The following NRXN3 variants were observed in gnomAD, a reference collection of about 807,000 sequenced individuals.
NRXN3 encodes neurexin III.
Under a neutral mutation model 137.6 loss-of-function variants are expected in NRXN3, and 32 were observed. That is an observed-to-expected ratio of 0.23 (90% CI 0.18 to 0.31). The LOEUF (loss-of-function observed/expected upper bound fraction) is 0.31. Among genes scored for constraint, NRXN3 ranks in the 10% least tolerant of loss-of-function variants. NRXN3 has a pLI of 1.00. For synonymous variants in NRXN3, 798 were observed against 784.5 expected, an observed-to-expected ratio of 1.02 and a Z score of -0.29; for missense variants, 1,574 against 2,062.5, an observed-to-expected ratio of 0.76 and a Z score of 4.59.
intron 15 of NRXN3, among the ~76,000 whole-genome samples, chr14:79,382,920 A>G (rs568267726): frequency 1.8e-4 from 28 of 152,166 alleles, no homozygotes; most frequent in African/African-American, 4.8e-4. Flanking sequence ...TTTGAACTAC[A>G]AAAACCGTGT....
In NRXN3 at chr14:78,705,008, C is replaced by T. The variant is rs41476546; in HGVS notation, c.1222-4209C>T. On this transcript the variant is annotated intron_variant, in intron 6 of 20. Transcript: ENST00000335750. ...GTCCTCAGCTGTTTTACTGTCTGGTCTCCTAAGCATGAGTCACGTGTCCAA... is the reference window on the plus strand; with the variant it reads ...GTCCTCAGCTGTTTTACTGTCTGGTTTCCTAAGCATGAGTCACGTGTCCAA... Among the ~76,000 whole-genome samples the T allele has an allele frequency of 0.011, 1,685 of 152,258 alleles. 84 individuals carry two copies. The East Asian group carries it at 0.17, about 16-fold the overall frequency.
chr14:79,567,789 C>G (rs988841080), intron 16 of NRXN3, among the ~76,000 whole-genome samples: 5 of 152,086 alleles, frequency 3.3e-5, no homozygotes, highest in African/African-American at 9.7e-5. Context: ...TATGCTTTGT[C>G]AATCGAGCAT....
intron 15 of NRXN3, among the ~76,000 whole-genome samples, chr14:79,055,880 G>A (rs1190887643): frequency 6.6e-6 from 1 of 152,160 alleles, no homozygotes; most frequent in African/African-American, 2.4e-5. Flanking sequence ...AGCAGAGTGT[G>A]CAGGTCAGGC....
At chr14:78,289,436 A>G (rs987423445) in intron 3 of NRXN3, among the ~76,000 whole-genome samples, 3 of 152,212 alleles carry the variant, frequency 2.0e-5, no homozygotes, top group Non-Finnish European at 2.9e-5. Flanking sequence ...TTTGGAGATC[A>G]TCAGAATTCA....
At chr14:78,268,548 A>G (rs2072195208) in intron 2 of NRXN3, among the ~76,000 whole-genome samples, 1 of 152,144 alleles carries the variant, frequency 6.6e-6, no homozygotes, top group South Asian at 2.1e-4. Flanking sequence ...CTGGTGTCCC[A>G]GAGGATGATA....
intron 4 of NRXN3, among the ~76,000 whole-genome samples, chr14:78,465,496 A>C (rs1402598639): frequency 6.6e-6 from 1 of 152,192 alleles, no homozygotes; most frequent in East Asian, 1.9e-4. Flanking sequence ...AAATATCACA[A>C]GTGATGACAG....
chr14:79,290,027 C>T (rs879906015), intron 15 of NRXN3, among the ~76,000 whole-genome samples: 1 of 152,052 alleles, frequency 6.6e-6, no homozygotes, highest in African/African-American at 2.4e-5. Flanking sequence ...CCTCTCACCC[C>T]CCCACGTTAA....
chr14:79,341,242 C>T (rs1026494403), intron 15 of NRXN3, among the ~76,000 whole-genome samples: 3 of 152,192 alleles, frequency 2.0e-5, no homozygotes, highest in African/African-American at 7.2e-5. Flanking sequence ...GAGCTCTTCA[C>T]TGCTTAGTTA....
At chr14:79,183,670 T>C (rs2063194639) in intron 15 of NRXN3, among the ~76,000 whole-genome samples, 1 of 152,240 alleles carries the variant, frequency 6.6e-6, no homozygotes, top group South Asian at 2.1e-4. Flanking sequence ...TTTCCTTGTC[T>C]GCACTGTGCT....
chr14:78,214,142 C>T (rs1386793676), intron 1 of NRXN3, among the ~76,000 whole-genome samples: 1 of 152,166 alleles, frequency 6.6e-6, no homozygotes, highest in Non-Finnish European at 1.5e-5. Flanking sequence ...CCTTTCTAGC[C>T]CTCCATTCTT....
intron 15 of NRXN3, among the ~76,000 whole-genome samples, chr14:79,442,093 T>C (rs2095973171): frequency 6.6e-6 from 1 of 152,202 alleles, no homozygotes; most frequent in South Asian, 2.1e-4. Context: ...ACTTCATTAA[T>C]TATTTTTCCT....
At chr14:78,987,899 G>T (rs1286846853) in intron 14 of NRXN3, 123 bp from the exon 15 acceptor site, 3 of 1,066,710 alleles carry the variant, frequency 2.8e-6, no homozygotes, top group Admixed American at 2.8e-5. Flanking sequence ...AATTTTGGTG[G>T]TGTGTCTTCA....
intron 19 of NRXN3, among the ~76,000 whole-genome samples, chr14:79,786,588 A>C (rs2099130102): frequency 6.6e-6 from 1 of 152,198 alleles, no homozygotes; most frequent in Admixed American, 6.5e-5. Flanking sequence ...TCTGCATTTA[A>C]AAGTGTTTAG....
At chr14:78,525,604 C>T (rs577485614) in intron 4 of NRXN3, among the ~76,000 whole-genome samples, 3 of 152,304 alleles carry the variant, frequency 2.0e-5, no homozygotes, top group East Asian at 3.9e-4. Flanking sequence ...TAAAGTCCCT[C>T]AGCTGGACTT....
At chr14:79,306,211 A>G (rs751265918) in intron 15 of NRXN3, among the ~76,000 whole-genome samples, 1 of 152,064 alleles carries the variant, frequency 6.6e-6, no homozygotes, top group Non-Finnish European at 1.5e-5. Flanking sequence ...GATTTGGCCC[A>G]TAGGTGGGGG....
At chr14:78,256,424 G>A (rs2069615274) in intron 2 of NRXN3, among the ~76,000 whole-genome samples, 1 of 152,244 alleles carries the variant, frequency 6.6e-6, no homozygotes, top group Admixed American at 6.5e-5. Context: ...GTTCCCAAAA[G>A]GGGCACAGCA....
At chr14:78,814,998 C>G (rs2098927470) in intron 10 of NRXN3, among the ~76,000 whole-genome samples, 1 of 152,128 alleles carries the variant, frequency 6.6e-6, no homozygotes, top group South Asian at 2.1e-4. Context: ...TTCTATTTCT[C>G]TTTCCTCTCA....
chr14:79,741,936 A>G (rs1459823038), intron 19 of NRXN3, among the ~76,000 whole-genome samples: 2 of 152,194 alleles, frequency 1.3e-5, no homozygotes, highest in Admixed American at 6.5e-5. Flanking sequence ...TCTAGATATT[A>G]TAAGAGTATT....
intron 4 of NRXN3, among the ~76,000 whole-genome samples, chr14:78,600,118 A>G (rs973841641): frequency 6.6e-6 from 1 of 152,098 alleles, no homozygotes; most frequent in African/African-American, 2.4e-5. Flanking sequence ...ACATTCATTT[A>G]TTACCCAGTT....
Sources: allele counts gnomAD v4.1 joint callset (sites outside exome capture counted in the v4.1 genomes callset), GRCh38; gene constraint gnomAD v4.1.1; transcripts MANE v1.5; gene names NCBI Gene and HGNC (gene_info 2026-07-23, HGNC 2026-07-21).